The following SHLD1 variants were observed in gnomAD, a reference collection of about 807,000 sequenced individuals.
The protein encoded by SHLD1 is shieldin complex subunit 1.
Under a neutral mutation model 5.5 loss-of-function variants are expected in SHLD1, and 3 were observed. The ratio of observed to expected loss-of-function variants is 0.54; its 90% CI spans 0.25 to 1.40. The LOEUF (loss-of-function observed/expected upper bound fraction) is 1.40. Among genes scored for constraint, SHLD1 ranks in the 40% most tolerant of loss-of-function variants. SHLD1 has a pLI of 0.15. For synonymous variants in SHLD1, 92 were observed against 94.3 expected (o/e 0.98, Z 0.14); for missense variants, 210 against 244.4 (o/e 0.86, Z 0.94).
chr20:5,750,511 A>AGGGGGG (rs1983679415), intron 1 of SHLD1, 32 bp downstream of exon 1: 1 of 21,948 alleles, frequency 4.6e-5, no homozygotes, highest in Admixed American at 5.5e-4. Flanking sequence ...GGGGGGTTGG[A>AGGGGGG]GTGGTGGGGG....
intron 2 of SHLD1, among the ~76,000 whole-genome samples, chr20:5,844,783 A>ATTT (rs1568528922): frequency 5.0e-5 from 5 of 99,968 alleles, no homozygotes; most frequent in East Asian, 4.4e-4. Context: ...ATATATATAT[A>ATTT]TATATATATA....
intron 1 of SHLD1, among the ~76,000 whole-genome samples, chr20:5,771,688 C>T (rs1019371404): frequency 4.0e-5 from 6 of 151,446 alleles, no homozygotes; most frequent in Non-Finnish European, 7.4e-5. Flanking sequence ...AATCTCGGCT[C>T]ACTACAACCT....
At chr20:5,777,081 C>G (rs1469998570) in intron 2 of SHLD1, among the ~76,000 whole-genome samples, 2 of 151,812 alleles carry the variant, frequency 1.3e-5, no homozygotes, top group African/African-American at 2.4e-5. Context: ...CTCCACCTCC[C>G]TGGTTAAAGC....
intron 2 of SHLD1, among the ~76,000 whole-genome samples, chr20:5,852,797 A>G (rs2088029213): frequency 6.6e-6 from 1 of 152,120 alleles, no homozygotes; most frequent in South Asian, 2.1e-4. Context: ...TTTTATTGCT[A>G]TTATAAAGTT....
chr20:5,832,986 T>G (rs938687149), intron 2 of SHLD1, among the ~76,000 whole-genome samples: 1 of 152,156 alleles, frequency 6.6e-6, no homozygotes, highest in African/African-American at 2.4e-5. Context: ...GTGCTGTTGC[T>G]TACATTTCTG....
At chr20:5,768,222 C>T (rs1194949440) in intron 1 of SHLD1, among the ~76,000 whole-genome samples, 2 of 152,202 alleles carry the variant, frequency 1.3e-5, no homozygotes, top group Non-Finnish European at 2.9e-5. Context: ...GATCCACCCG[C>T]CTTGGCCTCC....
Position 5,772,870 on chromosome 20 carries a change from C to T in SHLD1, c.5C>T (p.Ala2Val), listed in dbSNP as rs1326773424. The T allele has an allele frequency of 1.9e-6, 3 of 1,611,594 alleles. No individual in the cohort carries two copies. The highest frequency in any genetic ancestry group is 2.7e-5 in the African/African-American group (2 of 74,858). Residue 2 changes from alanine to valine, a missense_variant, in exon 2 of 3, where the codon GCA becomes GTA. Ala to Val is a moderately conservative substitution (Grantham distance 64, BLOSUM62 0). Coordinates refer to ENST00000303142, the MANE Select transcript of SHLD1 (RefSeq NM_152504.4). M[A>V]ARDATSGSLS... ...TCTTTTTTCCATGGCAGGACTATGG[C>T]AGCCAGGGACGCCACTTCAGGCAGC... is the stretch of plus-strand genomic sequence containing the variant.
chr20:5,831,729 C>G (rs2087730753), intron 2 of SHLD1, among the ~76,000 whole-genome samples: 1 of 150,534 alleles, frequency 6.6e-6, no homozygotes, highest in African/African-American at 2.4e-5. Flanking sequence ...TCCCTTTGAT[C>G]TCTCTCTCTC....
chr20:5,849,786 C>G (rs947446233), intron 2 of SHLD1, among the ~76,000 whole-genome samples: 9 of 150,312 alleles, frequency 6.0e-5, no homozygotes, highest in Non-Finnish European at 8.9e-5. Flanking sequence ...GGTGAAACCC[C>G]GTCTCTACTA....
Position 5,855,530 on chromosome 20 carries a change from C to T in SHLD1, c.179-7494C>T, listed in dbSNP as rs2088071586. Among the ~76,000 whole-genome samples the T allele has an allele frequency of 6.6e-6, 1 of 152,056 alleles. No individual in the cohort carries two copies. Among genetic ancestry groups the T allele is most frequent in the African/African-American group, 2.4e-5 (1 of 41,394 alleles). ...GGGACTACAGGTGCATGTCACCACG[C>T]CTGGCTAATTTTTGTATTTTTAGTA... On this transcript the variant is annotated intron_variant, in intron 2 of 2. Coordinates refer to ENST00000303142, the MANE Select transcript of SHLD1 (RefSeq NM_152504.4). The surrounding 1 kb of genome is among the most constrained non-coding windows in gnomAD (Gnocchi z 4.4).
At chr20:5,761,865 A>G (rs1031267049) in intron 1 of SHLD1, among the ~76,000 whole-genome samples, 6 of 151,754 alleles carry the variant, frequency 4.0e-5, no homozygotes, top group African/African-American at 1.2e-4. Flanking sequence ...GCCTCGGCCT[A>G]CCAAAGTGCT....
intron 1 of SHLD1, among the ~76,000 whole-genome samples, chr20:5,768,945 G>C (rs58785776): frequency 2.1e-4 from 30 of 140,094 alleles, no homozygotes; most frequent in Admixed American, 4.7e-4. Flanking sequence ...TCTCACTCTC[G>C]TTTGGGCTGG....
intron 2 of SHLD1, among the ~76,000 whole-genome samples, chr20:5,796,761 G>A (rs1295911847): frequency 2.6e-5 from 4 of 151,388 alleles, no homozygotes; most frequent in Admixed American, 6.6e-5. Flanking sequence ...CCCAAGAGGC[G>A]GAGGTTGCAG....
intron 2 of SHLD1, among the ~76,000 whole-genome samples, chr20:5,843,691 A>C (rs1485840810): frequency 1.3e-5 from 2 of 152,210 alleles, no homozygotes; most frequent in Non-Finnish European, 2.9e-5. Flanking sequence ...TCAGTCAAAC[A>C]TTTTAAAAGA....
At chr20:5,849,304 A>G (rs1370265270) in intron 2 of SHLD1, among the ~76,000 whole-genome samples, 1 of 152,190 alleles carries the variant, frequency 6.6e-6, no homozygotes, top group African/African-American at 2.4e-5. Flanking sequence ...GGGCCAATTC[A>G]CTTGCTGGAC....
chr20:5,811,090 T>C lies in SHLD1; in HGVS notation c.178+38047T>C, dbSNP rs1443802807. Reference sequence around the variant, plus strand: ...TCATACATCTACTTTTGATCAGACATTTACTGAGGGGTGATCGATGCCAAG... The same window carrying C: ...TCATACATCTACTTTTGATCAGACACTTACTGAGGGGTGATCGATGCCAAG... On this transcript the variant is annotated intron_variant, in intron 2 of 2. Transcript: ENST00000303142. 2.0e-5 allele frequency among the ~76,000 whole-genome samples: 3 copies of C among 152,074 alleles called. No individual in the cohort carries two copies. In the East Asian group the frequency reaches 5.8e-4, roughly 29 times the overall value.
intron 2 of SHLD1, among the ~76,000 whole-genome samples, chr20:5,859,976 G>A (rs74968112): frequency 0.04 from 6,096 of 152,156 alleles, 189 homozygotes; most frequent in African/African-American, 0.074. Flanking sequence ...TACCAAGTAC[G>A]TGCCATGTTG....
intron 2 of SHLD1, among the ~76,000 whole-genome samples, chr20:5,809,622 C>G (rs957069774): frequency 6.6e-6 from 1 of 152,090 alleles, no homozygotes; most frequent in Admixed American, 6.5e-5. Context: ...CATCCTTCCT[C>G]AGTTGTACAG....
chr20:5,812,409 T>C (rs2087471925), intron 2 of SHLD1, among the ~76,000 whole-genome samples: 1 of 152,170 alleles, frequency 6.6e-6, no homozygotes, highest in Non-Finnish European at 1.5e-5. Context: ...AACTGGAAGA[T>C]GGTAAGAACT....
Sources: gnomAD v4.1 joint callset for allele counts (sites outside exome capture counted in the v4.1 genomes callset) on GRCh38, gnomAD v4.1.1 for gene constraint, Gnocchi (gnomAD v3.1) non-coding constraint, MANE v1.5 for transcripts, NCBI Gene and HGNC (gene_info 2026-07-23, HGNC 2026-07-21) for gene names.